The following CCSER1 variants were observed in gnomAD, a reference collection of about 807,000 sequenced individuals.
CCSER1 encodes serine-rich coiled-coil domain-containing protein 1.
A neutral mutation model predicts 82.0 loss-of-function variants in CCSER1; 41 were observed. That is an observed-to-expected ratio of 0.50 (90% confidence interval 0.39 to 0.65). The LOEUF (loss-of-function observed/expected upper bound fraction) is 0.65. Among genes scored for constraint, CCSER1 ranks in the 30% least tolerant of loss-of-function variants. The probability of loss-of-function intolerance (pLI) is 0.00; values close to 1 mark genes in which losing one functional copy is unlikely to be tolerated. For missense variants in CCSER1, 1,119 were observed against 1,064.2 expected (o/e 1.05, Z -0.72); for synonymous variants, 414 against 383.9 (o/e 1.08, Z -0.92).
At chr4:91,047,899 T>C (rs1742653428) in intron 9 of CCSER1, among the ~76,000 whole-genome samples, 1 of 152,132 alleles carries the variant, frequency 6.6e-6, no homozygotes, top group Non-Finnish European at 1.5e-5. Flanking sequence ...TCTTTTCAAT[T>C]AATCTAAATC....
intron 10 of CCSER1, among the ~76,000 whole-genome samples, chr4:91,538,702 T>TATTATATATATATATATTATATATATA (rs1211686513): frequency 1.4e-4 from 20 of 145,560 alleles, no homozygotes; most frequent in African/African-American, 5.1e-4. Flanking sequence ...TATACACATA[T>TATTATATATATATATATTATATATATA]ATATATATAA....
intron 10 of CCSER1, among the ~76,000 whole-genome samples, chr4:91,442,317 G>A (rs1229916749): frequency 6.6e-5 from 10 of 152,082 alleles, no homozygotes; most frequent in East Asian, 5.8e-4. Context: ...AAATAATGCC[G>A]CATATCTACC....
chr4:90,244,162 ATTT>A (rs1389744365), intron 1 of CCSER1, among the ~76,000 whole-genome samples: 1 of 152,210 alleles, frequency 6.6e-6, no homozygotes, highest in Non-Finnish European at 1.5e-5. Context: ...CACAGAGGTT[ATTT>A]AACAGATATT....
intron 1 of CCSER1, among the ~76,000 whole-genome samples, chr4:90,155,308 A>C (rs1341796946): frequency 6.6e-6 from 1 of 152,042 alleles, no homozygotes; most frequent in African/African-American, 2.4e-5. Context: ...TTTTTGCATC[A>C]ATGTTCATCA....
chr4:91,472,397 G>A (rs1757330699), intron 10 of CCSER1, among the ~76,000 whole-genome samples: 1 of 152,084 alleles, frequency 6.6e-6, no homozygotes, highest in Admixed American at 6.5e-5. Flanking sequence ...AGTGTTACTT[G>A]GTAAAGATTT....
At chr4:91,276,746 T>C (rs1219907284) in intron 10 of CCSER1, among the ~76,000 whole-genome samples, 1 of 152,134 alleles carries the variant, frequency 6.6e-6, no homozygotes, top group Non-Finnish European at 1.5e-5. Flanking sequence ...GAAAAGATTT[T>C]CCAGTTTTTC....
intron 5 of CCSER1, among the ~76,000 whole-genome samples, chr4:90,480,904 A>G (rs1361095933): frequency 1.3e-5 from 2 of 152,102 alleles, no homozygotes; most frequent in Non-Finnish European, 2.9e-5. Context: ...GTTTTTTCCA[A>G]TTCTGTGAAG....
chr4:90,542,034 AATT>A (rs763517392), intron 5 of CCSER1, among the ~76,000 whole-genome samples: 4 of 152,028 alleles, frequency 2.6e-5, no homozygotes, highest in Non-Finnish European at 5.9e-5. Context: ...AACATTTATA[AATT>A]ATTATATAAT....
intron 10 of CCSER1, among the ~76,000 whole-genome samples, chr4:91,423,526 G>T (rs532056779): frequency 6.6e-6 from 1 of 152,082 alleles, no homozygotes; most frequent in South Asian, 2.1e-4. Flanking sequence ...ATAGGTGAAA[G>T]AAATACTTAA....
At chr4:90,934,291 T>C (rs1730651688) in intron 9 of CCSER1, among the ~76,000 whole-genome samples, 1 of 152,144 alleles carries the variant, frequency 6.6e-6, no homozygotes, top group African/African-American at 2.4e-5. Context: ...GTTATAACAT[T>C]TAACAACCAA....
At chr4:90,197,354 A>G (rs1288123121) in intron 1 of CCSER1, among the ~76,000 whole-genome samples, 8 of 152,240 alleles carry the variant, frequency 5.3e-5, no homozygotes, top group Non-Finnish European at 7.4e-5. Context: ...TACAACCACT[A>G]TGGAGAACAG....
At chr4:91,545,272 T>C (rs1257642407) in intron 10 of CCSER1, among the ~76,000 whole-genome samples, 1 of 152,122 alleles carries the variant, frequency 6.6e-6, no homozygotes, top group African/African-American at 2.4e-5. Flanking sequence ...CCCCTTGCAC[T>C]TCCTGGGTGA....
chr4:91,162,623 A>G (rs534263837), intron 10 of CCSER1, among the ~76,000 whole-genome samples: 6 of 152,254 alleles, frequency 3.9e-5, no homozygotes, highest in Admixed American at 3.3e-4. Flanking sequence ...TTACTGGTCT[A>G]TTCAGATATT....
intron 10 of CCSER1, among the ~76,000 whole-genome samples, chr4:91,460,709 C>T (rs17018541): frequency 0.13 from 19,236 of 152,072 alleles, 1,327 homozygotes; most frequent in African/African-American, 0.16. Context: ...GTTTACTCTT[C>T]GAGCACACCG....
intron 7 of CCSER1, among the ~76,000 whole-genome samples, chr4:90,809,620 G>T (rs756094328): frequency 1.3e-5 from 2 of 151,736 alleles, no homozygotes; most frequent in Non-Finnish European, 2.9e-5. Flanking sequence ...TAAAATCCTA[G>T]ACTTCACCAC....
rs374378526 is a variant in CCSER1 at position 90,948,608 on chromosome 4, CTGTT to C, written c.2172+25164_2172+25167del. Among the ~76,000 whole-genome samples the C allele has an allele frequency of 7.2e-4, 109 of 152,028 alleles. 4 individuals are homozygous for C. In the East Asian group the frequency reaches 9.9e-3, roughly 14 times the overall value. Reference sequence around the variant, plus strand: ...GATTATGAGAATATATCAATTCTCACTGTTTGGCAATAATTTTCTAAGTTTTGTA... The same window carrying C: ...GATTATGAGAATATATCAATTCTCACTGGCAATAATTTTCTAAGTTTTGTA... On this transcript the variant is annotated intron_variant, in intron 9 of 10. Coordinates refer to ENST00000509176, the MANE Select transcript of CCSER1 (RefSeq NM_001145065.2).
chr4:90,732,027 T>TTCTCTC (rs76331329), intron 7 of CCSER1, among the ~76,000 whole-genome samples: 3,934 of 131,152 alleles, frequency 0.03, 195 homozygotes, highest in African/African-American at 0.1. Flanking sequence ...CTATTGGGAT[T>TTCTCTC]TCTCTCTCTC....
intron 1 of CCSER1, among the ~76,000 whole-genome samples, chr4:90,147,128 A>G (rs1725955397): frequency 6.9e-6 from 1 of 145,028 alleles, no homozygotes; most frequent in African/African-American, 2.4e-5. Context: ...CTTAACAGTC[A>G]TTTAATGCTT....
intron 1 of CCSER1, among the ~76,000 whole-genome samples, chr4:90,295,448 A>G (rs1304962373): frequency 6.6e-6 from 1 of 152,020 alleles, no homozygotes; most frequent in Non-Finnish European, 1.5e-5. Flanking sequence ...TTCCTTTTCT[A>G]TAAATTTCCT....
Sources: allele counts gnomAD v4.1 joint callset (sites outside exome capture counted in the v4.1 genomes callset), GRCh38; gene constraint gnomAD v4.1.1; transcripts MANE v1.5; gene names NCBI Gene and HGNC (gene_info 2026-07-23, HGNC 2026-07-21).